COL28A1: variants seen among roughly 807,000 people sequenced by gnomAD.
COL28A1 encodes the protein collagen alpha-1(XXVIII) chain.
Under a neutral mutation model 150.2 loss-of-function variants are expected in COL28A1, and 161 were observed. That is an observed-to-expected ratio of 1.07 (90% CI 0.94 to 1.22). The LOEUF (loss-of-function observed/expected upper bound fraction) is 1.22, where lower values mean the gene tolerates loss of function less well. COL28A1 is among the 50% of genes most tolerant of loss of function. COL28A1 has a pLI of 0.00. For missense variants in COL28A1, 1,617 were observed against 1,388.3 expected (o/e 1.16, Z -2.62); for synonymous variants, 552 against 469.7 (o/e 1.18, Z -2.26).
the COL28A1 span, among the ~76,000 whole-genome samples, chr7:7,349,395 T>C: frequency 6.6e-6 from 1 of 152,144 alleles, no homozygotes; most frequent in Non-Finnish European, 1.5e-5. Flanking sequence ...ATCCTTTCAG[T>C]TGGTTCTGTT....
downstream of COL28A1, among the ~76,000 whole-genome samples, chr7:7,354,059 T>A (rs867843496): frequency 1.3e-4 from 19 of 151,676 alleles, no homozygotes; most frequent in Admixed American, 7.9e-4. Flanking sequence ...GGTCTTGGTG[T>A]CACTCTGACT....
At chr7:7,462,459 A>G (rs1787705624) in intron 15 of COL28A1, among the ~76,000 whole-genome samples, 1 of 152,254 alleles carries the variant, frequency 6.6e-6, no homozygotes, top group Non-Finnish European at 1.5e-5. Flanking sequence ...GTGAAGCCCA[A>G]TGTAAGGAAA....
chr7:7,383,250 T>TTGTGTGTGTG (rs368714766), intron 27 of COL28A1, among the ~76,000 whole-genome samples: 30 of 107,212 alleles, frequency 2.8e-4, no homozygotes, highest in African/African-American at 1.0e-3. Flanking sequence ...CTTTTTTTTG[T>TTGTGTGTGTG]TGTGTGTGTG....
In COL28A1 at chr7:7,369,807, T is replaced by C. The variant is rs192552392; in HGVS notation, c.3066+918A>G. 3.9e-4 allele frequency among the ~76,000 whole-genome samples: 59 copies of C among 152,298 alleles called. 1 individual carries two copies. The highest frequency in any genetic ancestry group is 1.3e-3 in the African/African-American group (56 of 41,554). ...TAGCTGAATCCTGATGTTAGAACAC[T>C]GTTGCACATGCTCATGATCACTCTT... On this transcript the variant is annotated intron_variant, in intron 33 of 34. Coordinates refer to ENST00000399429, the MANE Select transcript of COL28A1 (RefSeq NM_001037763.3).
the COL28A1 span, among the ~76,000 whole-genome samples, chr7:7,340,006 A>G: frequency 3.3e-5 from 5 of 152,018 alleles, no homozygotes; most frequent in African/African-American, 1.2e-4. Flanking sequence ...TTTTGTTTTC[A>G]TTGAGACAAG....
upstream of COL28A1, among the ~76,000 whole-genome samples, chr7:7,537,249 C>T (rs1782676875): frequency 1.3e-5 from 2 of 152,248 alleles, no homozygotes; most frequent in South Asian, 2.1e-4. Flanking sequence ...GGCACTCATA[C>T]ACCCACCCAC....
At chr7:7,528,523 T>G (rs1011277210) in intron 3 of COL28A1, among the ~76,000 whole-genome samples, 3 of 152,208 alleles carry the variant, frequency 2.0e-5, no homozygotes, top group African/African-American at 7.2e-5. Flanking sequence ...TTCTGTATAC[T>G]CGTGTCCATT....
chr7:7,437,471 G>C lies in COL28A1; in HGVS notation c.1723-9C>G, dbSNP rs373419082. 17 of 1,611,702 alleles carry C rather than the reference G, an allele frequency of 1.1e-5. No individual in the cohort carries two copies. Among genetic ancestry groups the C allele is most frequent in the East Asian group, 2.2e-5 (1 of 44,838 alleles). On this transcript the variant is annotated splice_polypyrimidine_tract_variant and intron_variant, in intron 21 of 34. Coordinates refer to ENST00000399429, the MANE Select transcript of COL28A1 (RefSeq NM_001037763.3). ...ATAATGCCCGGTTCACCCTTAAAAA[G>C]AGCAAAATGCTCACTACATTTCAAG...
chr7:7,475,776 T>C (rs934778248), intron 14 of COL28A1, among the ~76,000 whole-genome samples: 1 of 152,200 alleles, frequency 6.6e-6, no homozygotes, highest in Non-Finnish European at 1.5e-5. Flanking sequence ...AATCTCAAAC[T>C]GTGTATTACA....
chr7:7,406,609 T>A (rs189619227), intron 27 of COL28A1, among the ~76,000 whole-genome samples: 1 of 152,300 alleles, frequency 6.6e-6, no homozygotes, highest in Non-Finnish European at 1.5e-5. Context: ...CAGGATAGTG[T>A]GGTCAAGGGT....
intron 21 of COL28A1, among the ~76,000 whole-genome samples, chr7:7,438,507 C>T (rs1048009509): frequency 1.3e-5 from 2 of 152,100 alleles, no homozygotes; most frequent in African/African-American, 4.8e-5. Context: ...GAGGTTGGGG[C>T]CCAGGATTAC....
intron 27 of COL28A1, among the ~76,000 whole-genome samples, chr7:7,386,713 A>C (rs1273005217): frequency 6.6e-6 from 1 of 152,186 alleles, no homozygotes; most frequent in Non-Finnish European, 1.5e-5. Context: ...GCTGGTGCTC[A>C]AGAGAAAGAC....
At position 7,456,255 on chromosome 7, in the gene COL28A1, T is replaced by C. The variant is rs183084189; in HGVS notation, c.1303-143A>G. On this transcript the variant is annotated intron_variant, in intron 15 of 34. Coordinates refer to ENST00000399429, the MANE Select transcript of COL28A1 (RefSeq NM_001037763.3). ...ACATGGAAAATTATAAAACTTTATT[T>C]TATTCCTTTAAAAGTTTATAATTCA... 2.0e-4 allele frequency: 238 copies of C among 1,205,322 alleles called. No homozygotes were observed. In the East Asian group the frequency reaches 4.6e-3, roughly 23 times the overall value. The allele number at this position is 1,205,322 out of a possible 1,614,324, so 74.7% of individuals were successfully genotyped here. A position where few individuals can be genotyped will look rare whatever the true frequency, so the allele number is the denominator to read the frequency against.
chr7:7,436,519 C>G, intron 22 of COL28A1, 56 bp from the exon 23 acceptor site: 1 of 900,866 alleles, frequency 1.1e-6, no homozygotes, highest in Non-Finnish European at 1.9e-6. Context: ...ATCACAAGCA[C>G]ACATAGCAAA....
At chr7:7,406,212 T>G (rs778947655) in intron 27 of COL28A1, among the ~76,000 whole-genome samples, 11 of 152,186 alleles carry the variant, frequency 7.2e-5, no homozygotes, top group Admixed American at 2.0e-4. Context: ...TTCACAAGTT[T>G]AGGGTTCTCT....
intron 9 of COL28A1, among the ~76,000 whole-genome samples, chr7:7,510,067 C>CT (rs1435742781): frequency 6.6e-6 from 1 of 152,058 alleles, no homozygotes; most frequent in Non-Finnish European, 1.5e-5. Context: ...CCTTGACTCC[C>CT]TTCCAGAATT....
chr7:7,403,814 G>T (rs1783351321), intron 27 of COL28A1, among the ~76,000 whole-genome samples: 1 of 152,120 alleles, frequency 6.6e-6, no homozygotes, highest in Non-Finnish European at 1.5e-5. Flanking sequence ...TTATAATTTA[G>T]TGGGTAGATT....
intron 7 of COL28A1, among the ~76,000 whole-genome samples, chr7:7,516,190 A>C (rs1781406079): frequency 6.6e-6 from 1 of 152,260 alleles, no homozygotes; most frequent in South Asian, 2.1e-4. Flanking sequence ...TGTTATATTG[A>C]CTTTTAAACT....
upstream of COL28A1, among the ~76,000 whole-genome samples, chr7:7,536,030 T>C (rs933119087): frequency 6.6e-6 from 1 of 152,218 alleles, no homozygotes; most frequent in Non-Finnish European, 1.5e-5. Context: ...TTCCAGACTA[T>C]TGTAAAAACA....
Sources: allele counts gnomAD v4.1 joint callset (sites outside exome capture counted in the v4.1 genomes callset), GRCh38; gene constraint gnomAD v4.1.1; transcripts MANE v1.5; gene names NCBI Gene and HGNC (gene_info 2026-07-23, HGNC 2026-07-21).